Variants in NFXL1 observed in about 807,000 individuals in gnomAD.
NFXL1 encodes nuclear transcription factor, X-box binding like 1.
A neutral mutation model predicts 123.3 loss-of-function variants in NFXL1; 66 were observed. That is an observed-to-expected ratio of 0.54 (90% CI 0.44 to 0.66). The LOEUF is 0.66. Among genes scored for constraint, NFXL1 ranks in the 30% least tolerant of loss-of-function variants. The pLI is 0.00. For missense variants in NFXL1, 944 were observed against 1,125.6 expected (o/e 0.84, Z 2.31); for synonymous variants, 346 against 360.8 (o/e 0.96, Z 0.46).
intron 3 of NFXL1, among the ~76,000 whole-genome samples, chr4:47,909,049 T>C (rs1040546686): frequency 5.9e-5 from 9 of 151,440 alleles, no homozygotes; most frequent in African/African-American, 1.7e-4. Flanking sequence ...ACATTAAACA[T>C]TCCAGCAAAC....
intron 15 of NFXL1, among the ~76,000 whole-genome samples, chr4:47,881,592 A>G (rs921744532): frequency 6.6e-6 from 1 of 152,226 alleles, no homozygotes; most frequent in African/African-American, 2.4e-5. Flanking sequence ...AAATGTTTAT[A>G]GCAGCTTTAT....
At position 47,902,917 on chromosome 4, in the gene NFXL1, A is replaced by AT. The variant is rs200914009; in HGVS notation, c.647+275dup. The stretch of plus-strand genomic sequence containing the variant: ...GTGCCAGCCTAGTTGGCACTTTGGG[A>AT]TTTTTTGGGGTGGGTCACCTGAGGT... On this transcript the variant is annotated intron_variant, in intron 5 of 22. Coordinates refer to ENST00000507489, the MANE Select transcript of NFXL1 (RefSeq NM_001278624.2). Among the ~76,000 whole-genome samples the AT allele has an allele frequency of 3.9e-3, 592 of 152,176 alleles. 5 individuals are homozygous for AT. Among genetic ancestry groups the AT allele is most frequent in the African/African-American group, 0.013 (542 of 41,534 alleles).
chr4:47,855,410 TC>T (rs1475755529), intron 19 of NFXL1, among the ~76,000 whole-genome samples: 1 of 151,710 alleles, frequency 6.6e-6, no homozygotes, highest in Non-Finnish European at 1.5e-5. Context: ...CAACAGTACA[TC>T]TTACAGCCAC....
intron 4 of NFXL1, among the ~76,000 whole-genome samples, chr4:47,904,052 G>A (rs984874549): frequency 6.6e-5 from 10 of 152,300 alleles, no homozygotes; most frequent in African/African-American, 2.4e-4. Context: ...GCATTAAACA[G>A]CCGACTTCTT....
At chr4:47,864,440 C>G (rs1333922634) in intron 18 of NFXL1, among the ~76,000 whole-genome samples, 1 of 152,114 alleles carries the variant, frequency 6.6e-6, no homozygotes, top group African/African-American at 2.4e-5. Context: ...ATTCTCTGAC[C>G]TACCTTGTCT....
intron 20 of NFXL1, among the ~76,000 whole-genome samples, chr4:47,854,822 G>A (rs915546497): frequency 6.6e-6 from 1 of 150,872 alleles, no homozygotes; most frequent in Non-Finnish European, 1.5e-5. Flanking sequence ...TCCTTTTACT[G>A]TTAAATTGCA....
At chr4:47,851,613 C>A (rs535856769) in intron 21 of NFXL1, among the ~76,000 whole-genome samples, 1 of 151,970 alleles carries the variant, frequency 6.6e-6, no homozygotes, top group Non-Finnish European at 1.5e-5. Context: ...AAGAGTAACA[C>A]TAGAGATAAC....
In NFXL1 at chr4:47,871,505, A is replaced by C. The variant is rs189641608; in HGVS notation, c.2246+3622T>G. 5.5e-3 allele frequency among the ~76,000 whole-genome samples: 844 copies of C among 152,330 alleles called. 8 individuals are homozygous for C. The highest frequency in any genetic ancestry group is 0.019 in the African/African-American group (808 of 41,576). Reference sequence around the variant, plus strand: ...CACACATGCACGTGTGTTGTTCTTGAGAGCTTTTTCTATTTTCTCAAATGT... The same window carrying C: ...CACACATGCACGTGTGTTGTTCTTGCGAGCTTTTTCTATTTTCTCAAATGT... On this transcript the variant is annotated intron_variant, in intron 18 of 22. Coordinates refer to ENST00000507489, the MANE Select transcript of NFXL1 (RefSeq NM_001278624.2).
At chr4:47,857,210 T>C (rs1734465207) in intron 19 of NFXL1, among the ~76,000 whole-genome samples, 1 of 152,212 alleles carries the variant, frequency 6.6e-6, no homozygotes, top group Admixed American at 6.5e-5. Context: ...ATCTTGAGTA[T>C]TGATCACTTC....
intron 8 of NFXL1, 63 bp from the exon 9 acceptor site, chr4:47,898,144 C>T: frequency 1.1e-6 from 1 of 950,670 alleles, no homozygotes; most frequent in Non-Finnish European, 1.6e-6. Context: ...AGACTTCATA[C>T]AAGACACAAT....
At chr4:47,884,281 G>T in intron 15 of NFXL1, 65 bp downstream of exon 15, 1 of 884,398 alleles carries the variant, frequency 1.1e-6, no homozygotes, top group South Asian at 1.5e-5. Flanking sequence ...ATTGACTTCA[G>T]ATACCCTTTA....
chr4:47,871,505 A>G (rs189641608), intron 18 of NFXL1, among the ~76,000 whole-genome samples: 2 of 152,214 alleles, frequency 1.3e-5, no homozygotes, highest in African/African-American at 4.8e-5. Context: ...GTTGTTCTTG[A>G]GAGCTTTTTC....
intron 18 of NFXL1, among the ~76,000 whole-genome samples, chr4:47,871,208 C>T (rs369322501): frequency 1.2e-4 from 18 of 152,214 alleles, no homozygotes; most frequent in African/African-American, 3.6e-4. Context: ...AAAAAATTAG[C>T]TGGGCGTGGT....
At chr4:47,890,591 C>CATAA (rs755743629) in intron 12 of NFXL1, 22 bp downstream of exon 12, 8 of 1,289,830 alleles carry the variant, frequency 6.2e-6, no homozygotes, top group Non-Finnish European at 7.9e-6. Context: ...AACATAAAAT[C>CATAA]ATAGCTATTA....
chr4:47,848,208 A>G lies in NFXL1; in HGVS notation c.2691T>C (p.Val897=). The change falls in exon 23 of 23, where the codon GTT becomes GTC. Residue 897 remains valine (V), a synonymous_variant. Coordinates refer to ENST00000507489, the MANE Select transcript of NFXL1 (RefSeq NM_001278624.2). The stretch of plus-strand genomic sequence containing the variant: ...TGTACCAGGCAAACACTACAACCAC[A>G]ACTCCACACACTGAAATGAGATAAT... ...HKYYLISVCG[V]VVVVFAWYIT... is the part of the protein sequence containing the mutation. 2 of 1,611,980 alleles carry G rather than the reference A, an allele frequency of 1.2e-6. No individual in the cohort carries two copies. Among genetic ancestry groups the G allele is most frequent in the Non-Finnish European group, 1.7e-6 (2 of 1,178,702 alleles).
chr4:47,897,665 T>C (rs1180929801), intron 9 of NFXL1, among the ~76,000 whole-genome samples: 1 of 152,152 alleles, frequency 6.6e-6, no homozygotes, highest in Non-Finnish European at 1.5e-5. Flanking sequence ...TTTGGACAAA[T>C]GTATAATGAC....
At chr4:47,888,610 T>A (rs1736591226) in intron 12 of NFXL1, among the ~76,000 whole-genome samples, 1 of 151,998 alleles carries the variant, frequency 6.6e-6, no homozygotes, top group Non-Finnish European at 1.5e-5. Context: ...TGATCAAACC[T>A]CTAGATCCAA....
rs777462849 is a variant in NFXL1, at chr4:47,894,814, T to C, written c.1330-512A>G. Among the ~76,000 whole-genome samples, 3 of 152,230 alleles carry C rather than the reference T, an allele frequency of 2.0e-5. 1 individual carries two copies. The South Asian group carries it at 6.2e-4, about 32-fold the overall frequency. Reference sequence around the variant, plus strand: ...TTGATATTTTGACCTACTCTCGTTATAATGAATGTTCTGAATGGCATCTAA... The same window carrying C: ...TTGATATTTTGACCTACTCTCGTTACAATGAATGTTCTGAATGGCATCTAA... On this transcript the variant is annotated intron_variant, in intron 10 of 22. Transcript: ENST00000507489.
At chr4:47,886,105 C>T in intron 12 of NFXL1, 106 bp from the exon 13 acceptor site, 1 of 998,732 alleles carries the variant, frequency 1.0e-6, no homozygotes. Context: ...TACTCTACAA[C>T]AAGAATGAAG....
Sources: allele counts gnomAD v4.1 joint callset (sites outside exome capture counted in the v4.1 genomes callset), GRCh38; gene constraint gnomAD v4.1.1; transcripts MANE v1.5; gene names NCBI Gene and HGNC (gene_info 2026-07-23, HGNC 2026-07-21).